ENTREP2: variants seen among roughly 807,000 people sequenced by gnomAD.
The protein encoded by ENTREP2 is protein ENTREP2.
At chr15:29,627,796 A>C in the ENTREP2 span, among the ~76,000 whole-genome samples, 1 of 152,174 alleles carries the variant, frequency 6.6e-6, no homozygotes, top group Non-Finnish European at 1.5e-5. Context: ...GGTTCATCAC[A>C]TGTGGTAGCA....
At chr15:29,653,310 T>C in the ENTREP2 span, among the ~76,000 whole-genome samples, 1 of 152,212 alleles carries the variant, frequency 6.6e-6, no homozygotes, top group Non-Finnish European at 1.5e-5. Context: ...CTTTTCTTTC[T>C]TTTTTCTTCT....
At chr15:29,510,971 A>G in the ENTREP2 span, among the ~76,000 whole-genome samples, 2 of 152,144 alleles carry the variant, frequency 1.3e-5, no homozygotes, top group African/African-American at 2.4e-5. Flanking sequence ...ATTCTCACTC[A>G]TAAGTGGGAG....
the ENTREP2 span, among the ~76,000 whole-genome samples, chr15:29,160,789 T>C: frequency 6.6e-6 from 1 of 151,852 alleles, no homozygotes; most frequent in East Asian, 1.9e-4. Context: ...CTATCTTACA[T>C]TTATTTCCGC....
the ENTREP2 span, chr15:29,233,995 T>G: frequency 6.7e-7 from 1 of 1,494,524 alleles, no homozygotes; most frequent in African/African-American, 1.4e-5. Flanking sequence ...TAGGAAGAGT[T>G]GAAATATCTG....
the ENTREP2 span, among the ~76,000 whole-genome samples, chr15:29,343,907 T>C: frequency 1.3e-5 from 2 of 152,128 alleles, no homozygotes; most frequent in Admixed American, 6.5e-5. Context: ...AAATTTAAGA[T>C]ACAAAAAAAG....
chr15:29,538,638 C>CA, the ENTREP2 span, among the ~76,000 whole-genome samples: 716 of 78,976 alleles, frequency 9.1e-3, 4 homozygotes, highest in East Asian at 0.047. Context: ...ACTAAAAATA[C>CA]AAAAAAAAAA....
At chr15:29,264,279 C>T in the ENTREP2 span, among the ~76,000 whole-genome samples, 1 of 151,656 alleles carries the variant, frequency 6.6e-6, no homozygotes, top group South Asian at 2.1e-4. Context: ...AAATCAGGGA[C>T]AATTTGAGTA....
the ENTREP2 span, chr15:29,268,802 G>T: frequency 6.2e-7 from 1 of 1,609,070 alleles, no homozygotes; most frequent in African/African-American, 1.3e-5. Context: ...CAAGAGGATG[G>T]AGCTGGGCCA....
At chr15:29,296,972 C>T in the ENTREP2 span, among the ~76,000 whole-genome samples, 1 of 152,130 alleles carries the variant, frequency 6.6e-6, no homozygotes, top group South Asian at 2.1e-4. Context: ...ATATATGTCA[C>T]AGACCATCTG....
chr15:29,487,745 T>G, the ENTREP2 span, among the ~76,000 whole-genome samples: 1 of 152,184 alleles, frequency 6.6e-6, no homozygotes, highest in African/African-American at 2.4e-5. Flanking sequence ...CAGGGTGGAG[T>G]GCAGTGGCTC....
the ENTREP2 span, among the ~76,000 whole-genome samples, chr15:29,239,153 T>A: frequency 6.6e-6 from 1 of 152,158 alleles, no homozygotes; most frequent in Non-Finnish European, 1.5e-5. Context: ...CCATAATCCT[T>A]TCCACATCCC....
the ENTREP2 span, among the ~76,000 whole-genome samples, chr15:29,577,534 T>C: frequency 6.6e-6 from 1 of 152,118 alleles, no homozygotes; most frequent in East Asian, 1.9e-4. Context: ...TTGTATTTTT[T>C]GTAGAGATGG....
the ENTREP2 span, among the ~76,000 whole-genome samples, chr15:29,552,002 C>G: frequency 2.0e-5 from 3 of 152,150 alleles, no homozygotes; most frequent in Non-Finnish European, 4.4e-5. Flanking sequence ...AAGCAAGAAA[C>G]CCTTCCCTGT....
chr15:29,650,266 T>TCA, the ENTREP2 span, among the ~76,000 whole-genome samples: 1 of 152,020 alleles, frequency 6.6e-6, no homozygotes, highest in Non-Finnish European at 1.5e-5. Context: ...ACTGGAGCAG[T>TCA]CATAAAGGGA....
the ENTREP2 span, among the ~76,000 whole-genome samples, chr15:29,239,171 G>A: frequency 6.6e-6 from 1 of 152,190 alleles, no homozygotes; most frequent in Non-Finnish European, 1.5e-5. Context: ...CCCTCAGGTA[G>A]ACGTGGAAAT....
the ENTREP2 span, among the ~76,000 whole-genome samples, chr15:29,344,219 C>T: frequency 6.6e-6 from 1 of 152,188 alleles, no homozygotes; most frequent in African/African-American, 2.4e-5. Context: ...ACAGGTGCCA[C>T]CTCCCCAAAA....
chr15:29,444,138 CAGAA>C, the ENTREP2 span, among the ~76,000 whole-genome samples: 1 of 97,862 alleles, frequency 1.0e-5, no homozygotes, highest in East Asian at 2.8e-4. Flanking sequence ...GAAAGACAGA[CAGAA>C]AGAAAGACAG....
the ENTREP2 span, among the ~76,000 whole-genome samples, chr15:29,321,640 A>C: frequency 6.7e-6 from 1 of 148,292 alleles, no homozygotes; most frequent in Non-Finnish European, 1.5e-5. Flanking sequence ...CAAGAGTGAG[A>C]CTCTGTCTCA....
chr15:29,379,332 G>A, the ENTREP2 span, among the ~76,000 whole-genome samples: 1 of 152,232 alleles, frequency 6.6e-6, no homozygotes, highest in East Asian at 1.9e-4. Flanking sequence ...ACAGGGGCCA[G>A]GGTAGCCTTG....
Sources: allele counts gnomAD v4.1 joint callset (sites outside exome capture counted in the v4.1 genomes callset), GRCh38; gene constraint gnomAD v4.1.1; transcripts MANE v1.5; gene names NCBI Gene and HGNC (gene_info 2026-07-23, HGNC 2026-07-21).